The following SLC24A2 variants were observed in gnomAD, a reference collection of about 807,000 sequenced individuals.
SLC24A2 encodes sodium/potassium/calcium exchanger 2.
Under a neutral mutation model 62.0 loss-of-function variants are expected in SLC24A2, and 36 were observed. The ratio of observed to expected loss-of-function variants is 0.58; its 90% CI spans 0.44 to 0.77. The LOEUF (loss-of-function observed/expected upper bound fraction) is 0.77, where lower values mean the gene tolerates loss of function less well. SLC24A2 is among the 30% of genes least tolerant of loss of function. The pLI is 0.00. For synonymous variants in SLC24A2, 358 were observed against 294.0 expected (o/e 1.22, Z -2.23); for missense variants, 846 against 817.9 (o/e 1.03, Z -0.42).
chr9:19,836,078 T>C, the SLC24A2 span, among the ~76,000 whole-genome samples: 2 of 151,738 alleles, frequency 1.3e-5, no homozygotes, highest in Admixed American at 1.3e-4. Flanking sequence ...TTCAAAGCAG[T>C]GTGTAGAGGG....
intron 2 of SLC24A2, among the ~76,000 whole-genome samples, chr9:19,755,445 G>GA (rs2118829415): frequency 6.6e-6 from 1 of 152,158 alleles, no homozygotes; most frequent in Admixed American, 6.5e-5. Flanking sequence ...TTGAAGAACT[G>GA]AAAAAAATAA....
At chr9:20,113,409 T>C in the SLC24A2 span, among the ~76,000 whole-genome samples, 2 of 152,156 alleles carry the variant, frequency 1.3e-5, no homozygotes, top group African/African-American at 4.8e-5. Flanking sequence ...AAAAAGCACA[T>C]AAAATAGTGC....
At chr9:19,927,378 A>C in the SLC24A2 span, 1 of 152,166 alleles carries the variant, frequency 6.6e-6, no homozygotes, top group South Asian at 2.1e-4. Flanking sequence ...TCCTCCAAAA[A>C]ATGGAGATAA....
At chr9:19,735,573 C>T (rs1229628266) in intron 2 of SLC24A2, among the ~76,000 whole-genome samples, 23 of 152,160 alleles carry the variant, frequency 1.5e-4, no homozygotes, top group Non-Finnish European at 1.5e-5. Context: ...TTTATTGCGG[C>T]ACTATTCACG....
chr9:19,624,657 TCTTTC>T (rs1817989686), intron 2 of SLC24A2, among the ~76,000 whole-genome samples: 1 of 152,226 alleles, frequency 6.6e-6, no homozygotes, highest in Non-Finnish European at 1.5e-5. Flanking sequence ...TCATTCGTTT[TCTTTC>T]AAGTGTAATC....
chr9:20,280,401 C>T, the SLC24A2 span, among the ~76,000 whole-genome samples: 1 of 152,166 alleles, frequency 6.6e-6, no homozygotes, highest in Non-Finnish European at 1.5e-5. Flanking sequence ...AGGCAATTCT[C>T]TGCAGAAGAG....
the SLC24A2 span, among the ~76,000 whole-genome samples, chr9:20,074,633 G>GGGAC: frequency 7.6e-6 from 1 of 131,288 alleles, no homozygotes; most frequent in Non-Finnish European, 1.6e-5. Flanking sequence ...GAGGGAGGGA[G>GGGAC]GGACGGGAAG....
chr9:19,880,853 G>C, the SLC24A2 span, among the ~76,000 whole-genome samples: 144 of 152,274 alleles, frequency 9.5e-4, no homozygotes, highest in Middle Eastern at 3.4e-3. Flanking sequence ...GGAGTCGCAG[G>C]ATGTAGAGGT....
the SLC24A2 span, among the ~76,000 whole-genome samples, chr9:20,007,879 C>CTTTTTTTTT: frequency 9.6e-4 from 38 of 39,540 alleles, 15 homozygotes; most frequent in African/African-American, 2.0e-3. Flanking sequence ...TTACTCCTCT[C>CTTTTTTTTT]TTTTTTTTTT....
chr9:19,516,034 A>G lies in SLC24A2; in HGVS notation c.*119T>C, dbSNP rs964866709. ...CCATCTCTCCTCAAATTCACCAAGG[A>G]GGGACACTTGGCACCCAGGGCTGTG... On this transcript the variant is annotated 3_prime_UTR_variant, in exon 11 of 11. Transcript: ENST00000341998. 3.2e-6 allele frequency: 4 copies of G among 1,252,544 alleles called. No homozygotes were observed. The highest frequency in any genetic ancestry group is 4.7e-6 in the Non-Finnish European group (4 of 853,746). 77.6% of individuals were successfully genotyped at this position (1,252,544 alleles called of 1,614,324 possible).
At chr9:19,961,050 G>GTGTT in the SLC24A2 span, among the ~76,000 whole-genome samples, 5,464 of 150,080 alleles carry the variant, frequency 0.036, 104 homozygotes, top group Middle Eastern at 0.048. Context: ...GTGTGTGTGT[G>GTGTT]TGAGTGAGAG....
the SLC24A2 span, among the ~76,000 whole-genome samples, chr9:20,037,814 T>C: frequency 1.3e-5 from 2 of 152,074 alleles, no homozygotes; most frequent in Non-Finnish European, 2.9e-5. Flanking sequence ...TGGCCTCTAG[T>C]AGGTGGGGGC....
chr9:19,874,843 G>A, the SLC24A2 span, among the ~76,000 whole-genome samples: 1 of 151,978 alleles, frequency 6.6e-6, no homozygotes, highest in South Asian at 2.1e-4. Context: ...TTGAGCAGAG[G>A]TATTGTTCTT....
chr9:20,050,662 A>T, the SLC24A2 span, among the ~76,000 whole-genome samples: 1 of 152,200 alleles, frequency 6.6e-6, no homozygotes, highest in African/African-American at 2.4e-5. Context: ...ACTCTATTTG[A>T]TAGGTGAAGA....
the SLC24A2 span, among the ~76,000 whole-genome samples, chr9:20,058,962 C>G: frequency 6.6e-6 from 1 of 152,164 alleles, no homozygotes. Context: ...ACTCTTCTCC[C>G]TATTTCTGAG....
the SLC24A2 span, chr9:19,929,778 A>G: frequency 1.3e-5 from 2 of 152,450 alleles, no homozygotes; most frequent in South Asian, 2.0e-4. Flanking sequence ...CATGCATGTT[A>G]TTTTCCCTGA....
At chr9:20,083,129 T>C in the SLC24A2 span, among the ~76,000 whole-genome samples, 2 of 152,226 alleles carry the variant, frequency 1.3e-5, no homozygotes, top group East Asian at 1.9e-4. Context: ...TCTGAAACTT[T>C]TGTTTCCACC....
At chr9:19,674,340 G>C (rs1819504647) in intron 2 of SLC24A2, among the ~76,000 whole-genome samples, 1 of 152,164 alleles carries the variant, frequency 6.6e-6, no homozygotes, top group African/African-American at 2.4e-5. Flanking sequence ...TGATGACAAT[G>C]TGCCTAGGTG....
In SLC24A2 at chr9:19,516,197, C is replaced by T. The variant is rs747521087; in HGVS notation, c.1942G>A (p.Val648Ile). 2.0e-5 allele frequency: 33 copies of T among 1,614,000 alleles called. No homozygotes were observed. Among genetic ancestry groups the T allele is most frequent in the African/African-American group, 1.3e-4 (10 of 74,906 alleles). ...GLYFVFLVVS[V>I]LLEDRILTCP... is the part of the protein sequence containing the mutation. ...GTAAGAATTCTGTCTTCTAGGAGAA[C>T]GCTCACCACCAGGAACACAAAGTAG... Residue 648 changes from valine (V) to isoleucine (I), a missense_variant, in exon 11 of 11, where the codon GTT becomes ATT. Transcript: ENST00000341998.
Sources: gnomAD v4.1 joint callset for allele counts (sites outside exome capture counted in the v4.1 genomes callset) on GRCh38, gnomAD v4.1.1 for gene constraint, MANE v1.5 for transcripts, NCBI Gene and HGNC (gene_info 2026-07-23, HGNC 2026-07-21) for gene names.